ZNF407: variants seen among roughly 807,000 people sequenced by gnomAD.
ZNF407 encodes zinc finger protein 407.
In ZNF407, 17 loss-of-function variants were observed where a neutral mutation model predicts 131.2. The observed-to-expected ratio is 0.13, with a 90% confidence interval of 0.09 to 0.19. ZNF407 has a LOEUF of 0.19. ZNF407 is among the 10% of genes least tolerant of loss of function. ZNF407 has a pLI of 1.00. For missense variants in ZNF407, 2,681 were observed against 2,830.6 expected (o/e 0.95, Z 1.20); for synonymous variants, 1,156 against 1,062.0 (o/e 1.09, Z -1.72).
intron 4 of ZNF407, among the ~76,000 whole-genome samples, chr18:74,794,192 C>G (rs1193143529): frequency 1.3e-5 from 2 of 152,170 alleles, no homozygotes; most frequent in Admixed American, 1.3e-4. Context: ...TGCCTTGCCT[C>G]TCTGCCGCAT....
intron 3 of ZNF407, among the ~76,000 whole-genome samples, chr18:74,652,721 A>C (rs1352436295): frequency 6.7e-6 from 1 of 150,192 alleles, no homozygotes; most frequent in Admixed American, 6.6e-5. Flanking sequence ...TTGGTCTGAA[A>C]AATCAAAACA....
At chr18:74,851,988 A>G (rs1970790740) in intron 4 of ZNF407, among the ~76,000 whole-genome samples, 2 of 152,334 alleles carry the variant, frequency 1.3e-5, no homozygotes, top group Non-Finnish European at 2.9e-5. Context: ...ATGCACTGAA[A>G]GGGTAGCAGC....
intron 4 of ZNF407, among the ~76,000 whole-genome samples, chr18:74,796,207 T>C (rs1232970093): frequency 6.6e-6 from 1 of 152,256 alleles, no homozygotes; most frequent in Non-Finnish European, 1.5e-5. Context: ...CTGAATATAA[T>C]AGAACTGTCA....
At chr18:74,661,079 G>A (rs1985694192) in intron 3 of ZNF407, among the ~76,000 whole-genome samples, 1 of 152,140 alleles carries the variant, frequency 6.6e-6, no homozygotes, top group Admixed American at 6.5e-5. Context: ...TGAGATAAGA[G>A]TGTTTTGTGA....
At chr18:74,914,029 A>C (rs1012686981) in intron 7 of ZNF407, among the ~76,000 whole-genome samples, 2 of 152,190 alleles carry the variant, frequency 1.3e-5, no homozygotes, top group African/African-American at 4.8e-5. Context: ...AAAGCTGCTC[A>C]AGACTTTCAA....
At chr18:74,943,809 G>A (rs2145270997) in intron 8 of ZNF407, among the ~76,000 whole-genome samples, 1 of 152,276 alleles carries the variant, frequency 6.6e-6, no homozygotes, top group East Asian at 1.9e-4. Flanking sequence ...TTGGGACCCT[G>A]AGGATAGCGT....
At chr18:74,712,997 A>T (rs1967801875) in intron 3 of ZNF407, among the ~76,000 whole-genome samples, 1 of 152,220 alleles carries the variant, frequency 6.6e-6, no homozygotes. Flanking sequence ...AAAGCTTGTC[A>T]TTCCCTTTTA....
intron 7 of ZNF407, among the ~76,000 whole-genome samples, chr18:74,890,861 C>T (rs1190496370): frequency 6.6e-6 from 1 of 152,130 alleles, no homozygotes; most frequent in African/African-American, 2.4e-5. Context: ...CAGTTATTTC[C>T]AGGACCCAAT....
intron 8 of ZNF407, among the ~76,000 whole-genome samples, chr18:74,980,088 T>C (rs1972571291): frequency 6.7e-6 from 1 of 149,834 alleles, no homozygotes. Flanking sequence ...TAAAAGCTGC[T>C]TCCACTGTTG....
intron 3 of ZNF407, among the ~76,000 whole-genome samples, chr18:74,646,018 A>C (rs991937064): frequency 7.9e-5 from 12 of 152,224 alleles, no homozygotes; most frequent in Non-Finnish European, 1.5e-4. Flanking sequence ...AGTTTCATAA[A>C]GCAAGGAACA....
At chr18:74,653,810 T>G (rs1985332410) in intron 3 of ZNF407, among the ~76,000 whole-genome samples, 1 of 151,844 alleles carries the variant, frequency 6.6e-6, no homozygotes, top group South Asian at 2.1e-4. Context: ...TGATAACTTA[T>G]TGAAATGATG....
intron 4 of ZNF407, among the ~76,000 whole-genome samples, chr18:74,839,127 A>C (rs1267945550): frequency 6.6e-6 from 1 of 152,236 alleles, no homozygotes; most frequent in Non-Finnish European, 1.5e-5. Context: ...TCATGCTGAT[A>C]AGTGTAGTTG....
At chr18:75,035,755 G>A (rs373035069) in intron 8 of ZNF407, among the ~76,000 whole-genome samples, 24 of 152,216 alleles carry the variant, frequency 1.6e-4, no homozygotes, top group East Asian at 1.2e-3. Flanking sequence ...TGGGCATTGC[G>A]TCCGCCTCGC....
At chr18:74,928,869 CT>C (rs1971946781) in intron 8 of ZNF407, among the ~76,000 whole-genome samples, 1 of 151,976 alleles carries the variant, frequency 6.6e-6, no homozygotes. Context: ...GGTGGGGGAG[CT>C]TAGAATTTTA....
At chr18:74,987,609 A>G (rs1038758738) in intron 8 of ZNF407, among the ~76,000 whole-genome samples, 4 of 152,192 alleles carry the variant, frequency 2.6e-5, no homozygotes, top group African/African-American at 7.2e-5. Flanking sequence ...CTGAGGGGTT[A>G]GTGAAGCTGC....
intron 1 of ZNF407, among the ~76,000 whole-genome samples, chr18:74,601,774 A>G (rs1476056052): frequency 2.6e-5 from 4 of 152,088 alleles, no homozygotes; most frequent in African/African-American, 9.7e-5. Flanking sequence ...TAATTCAATC[A>G]CTGCCCACCA....
chr18:74,908,566 A>T (rs946048016), intron 7 of ZNF407, among the ~76,000 whole-genome samples: 1 of 152,316 alleles, frequency 6.6e-6, no homozygotes, highest in East Asian at 1.9e-4. Context: ...TCTATTTGCT[A>T]AACATCGTTG....
chr18:74,657,981 C>T (rs1281326824), intron 3 of ZNF407, among the ~76,000 whole-genome samples: 1 of 151,072 alleles, frequency 6.6e-6, no homozygotes, highest in African/African-American at 2.4e-5. Flanking sequence ...TTTCCTTTCC[C>T]TCCTTTCCCC....
chr18:74,633,794 G>A lies in ZNF407; in HGVS notation c.2775G>A (p.Gly925=), dbSNP rs373502685. Residue 925 remains glycine (G), a synonymous_variant, in exon 2 of 9, where the codon GGG becomes GGA. Coordinates refer to ENST00000299687, the MANE Select transcript of ZNF407 (RefSeq NM_017757.3). ...HSSDIIVGPE[G]GSLEAGKKNA... ...CAGATATCATTGTTGGCCCTGAAGG[G>A]GGTAGCCTTGAAGCTGGTAAAAAGA... The A allele has an allele frequency of 1.2e-6, 2 of 1,613,916 alleles. No individual in the cohort carries two copies. The highest frequency in any genetic ancestry group is 3.3e-5 in the Admixed American group (2 of 60,012).
Sources: gnomAD v4.1 joint callset for allele counts (sites outside exome capture counted in the v4.1 genomes callset) on GRCh38, gnomAD v4.1.1 for gene constraint, MANE v1.5 for transcripts, NCBI Gene and HGNC (gene_info 2026-07-23, HGNC 2026-07-21) for gene names.